Variants in PPDPFL observed in about 807,000 individuals in gnomAD.
PPDPFL encodes pancreatic progenitor cell differentiation and proliferation factor like.
A neutral mutation model predicts 12.6 loss-of-function variants in PPDPFL; 12 were observed. The observed-to-expected ratio is 0.95, with a 90% CI of 0.61 to 1.54. The LOEUF (loss-of-function observed/expected upper bound fraction) is 1.54. Ranked by LOEUF, PPDPFL falls within the 40% of genes most tolerant of loss-of-function variation. The pLI, the probability that PPDPFL is intolerant of heterozygous loss-of-function variation, is 0.00. For missense variants in PPDPFL, 114 were observed against 96.0 expected (o/e 1.19, Z -0.78); for synonymous variants, 24 against 32.7 (o/e 0.73, Z 0.91).
intron 1 of PPDPFL, among the ~76,000 whole-genome samples, chr8:49,058,304 A>G (rs1808143259): frequency 6.6e-6 from 1 of 152,226 alleles, no homozygotes; most frequent in Non-Finnish European, 1.5e-5. Context: ...TATGCACCAT[A>G]TATTACAATA....
chr8:49,055,180 T>A (rs117924298), intron 1 of PPDPFL, among the ~76,000 whole-genome samples: 592 of 147,582 alleles, frequency 4.0e-3, no homozygotes, highest in Non-Finnish European at 6.6e-3. Context: ...TAAGTAGTGT[T>A]CATTTTATAT....
chr8:49,073,500 G>A (rs1054936225), intron 2 of PPDPFL, among the ~76,000 whole-genome samples: 1 of 152,170 alleles, frequency 6.6e-6, no homozygotes, highest in Non-Finnish European at 1.5e-5. Flanking sequence ...TGTAGTATAA[G>A]TGTTAGAGAC....
At chr8:49,055,114 G>A (rs949562253) in intron 1 of PPDPFL, among the ~76,000 whole-genome samples, 1 of 152,084 alleles carries the variant, frequency 6.6e-6, no homozygotes, top group African/African-American at 2.4e-5. Context: ...ATGGCACTAT[G>A]GTTTCTTCCT....
intron 1 of PPDPFL, among the ~76,000 whole-genome samples, chr8:49,055,277 C>T (rs73579371): frequency 0.068 from 10,384 of 152,130 alleles, 1,084 homozygotes; most frequent in African/African-American, 0.22. Context: ...ACAACAGTGG[C>T]TTCCCTACTG....
intron 1 of PPDPFL, among the ~76,000 whole-genome samples, chr8:49,055,533 A>G (rs1244282888): frequency 2.6e-5 from 4 of 152,092 alleles, no homozygotes; most frequent in Non-Finnish European, 5.9e-5. Context: ...AATCCCATTT[A>G]GACTTTTGGT....
upstream of PPDPFL, among the ~76,000 whole-genome samples, chr8:49,067,720 A>T (rs1050453046): frequency 6.6e-6 from 1 of 152,228 alleles, no homozygotes; most frequent in Non-Finnish European, 1.5e-5. Context: ...CAGTTGACTA[A>T]TTAGAACTTA....
chr8:49,063,209 G>T (rs1222237505), intron 1 of PPDPFL, among the ~76,000 whole-genome samples: 3 of 152,164 alleles, frequency 2.0e-5, no homozygotes, highest in Non-Finnish European at 2.9e-5. Context: ...TCCCTGGTCT[G>T]CAAATGTAAA....
upstream of PPDPFL, among the ~76,000 whole-genome samples, chr8:49,070,166 C>T (rs1459077708): frequency 6.6e-6 from 1 of 152,126 alleles, no homozygotes; most frequent in Non-Finnish European, 1.5e-5. Flanking sequence ...ACCACATGTT[C>T]TCACGTAAAA....
chr8:49,058,727 C>A (rs918686349), intron 1 of PPDPFL, among the ~76,000 whole-genome samples: 1 of 152,154 alleles, frequency 6.6e-6, no homozygotes, highest in Non-Finnish European at 1.5e-5. Flanking sequence ...CAACTGGTTT[C>A]TTTATTTAAT....
In PPDPFL at chr8:49,058,762, C is replaced by T. The variant is rs937565841; in HGVS notation, c.-45+4393C>T. Among the ~76,000 whole-genome samples, 7 of 152,290 alleles carry T rather than the reference C, an allele frequency of 4.6e-5. No individual in the cohort carries two copies. The South Asian group carries it at 1.5e-3, about 32-fold the overall frequency. ...TAAAGAGCCTTAAAGAAGTCTTAAC[C>T]TCCAAAGTCTCCATTTTCTAGAAAT... On this transcript the variant is annotated intron_variant, in intron 1 of 4. Transcript: ENST00000517663.
upstream of PPDPFL, among the ~76,000 whole-genome samples, chr8:49,068,213 A>G (rs1308000529): frequency 6.6e-6 from 1 of 152,170 alleles, no homozygotes; most frequent in Non-Finnish European, 1.5e-5. Flanking sequence ...TCCATCTTTG[A>G]CCTGCTCACA....
intron 1 of PPDPFL, 69 bp downstream of exon 1, chr8:49,072,551 T>C: frequency 3.7e-6 from 1 of 266,756 alleles, no homozygotes; most frequent in Non-Finnish European, 7.0e-6. Flanking sequence ...TGGAGTAAGT[T>C]CTGTGCATTG....
At chr8:49,072,753 A>G (rs1184853386) in intron 1 of PPDPFL, 34 bp from the exon 2 acceptor site, 1 of 1,049,034 alleles carries the variant, frequency 9.5e-7, no homozygotes. Context: ...CCTGTTATTC[A>G]TATCAATGTC....
chr8:49,065,641 T>A (rs1321263435), intron 1 of PPDPFL, among the ~76,000 whole-genome samples: 1 of 152,202 alleles, frequency 6.6e-6, no homozygotes, highest in African/African-American at 2.4e-5. Flanking sequence ...AAAAGAGAAA[T>A]ACTTGTAAGT....
rs770263479 is a variant in PPDPFL at position 49,072,840 on chromosome 8, G to T, written c.10G>T (p.Val4Leu). Residue 4 changes from valine (V) to leucine (L), a missense_variant, in exon 2 of 5, where the codon GTA becomes TTA. Transcript: ENST00000522267. MAS[V>L]PSIGCLLARN... Reference sequence around the variant, plus strand: ...TCTCACGGGTAAAGCCATGGCATCCGTACCTTCCATTGGTTGCCTTCTAGC... The same window carrying T: ...TCTCACGGGTAAAGCCATGGCATCCTTACCTTCCATTGGTTGCCTTCTAGC... The T allele has an allele frequency of 5.0e-6, 8 of 1,604,826 alleles. No individual in the cohort carries two copies. The highest frequency in any genetic ancestry group is 5.1e-6 in the Non-Finnish European group (6 of 1,176,372).
intron 1 of PPDPFL, among the ~76,000 whole-genome samples, chr8:49,063,161 G>A (rs980063075): frequency 4.6e-5 from 7 of 152,172 alleles, no homozygotes; most frequent in African/African-American, 1.7e-4. Context: ...CCCAGGTCTG[G>A]TTTACTCTTA....
At chr8:49,064,698 G>A (rs984380815) in intron 1 of PPDPFL, among the ~76,000 whole-genome samples, 3 of 152,090 alleles carry the variant, frequency 2.0e-5, no homozygotes, top group Admixed American at 6.5e-5. Context: ...CTGTCTTCCA[G>A]GGAACAGAGC....
At chr8:49,067,078 T>A (rs1009709974) in intron 1 of PPDPFL, among the ~76,000 whole-genome samples, 1 of 152,204 alleles carries the variant, frequency 6.6e-6, no homozygotes, top group Non-Finnish European at 1.5e-5. Context: ...AATTAATGGA[T>A]AGACTACAGA....
upstream of PPDPFL, among the ~76,000 whole-genome samples, chr8:49,070,979 A>T (rs7011891): frequency 1.3e-5 from 2 of 151,858 alleles, no homozygotes; most frequent in Admixed American, 1.3e-4. Flanking sequence ...GATCTCTAGA[A>T]GTATTCATCC....
Sources: allele counts gnomAD v4.1 joint callset (sites outside exome capture counted in the v4.1 genomes callset), GRCh38; gene constraint gnomAD v4.1.1; transcripts MANE v1.5; gene names NCBI Gene and HGNC (gene_info 2026-07-23, HGNC 2026-07-21).